IDS: variants seen among roughly 807,000 people sequenced by gnomAD.
IDS encodes the protein iduronate 2-sulfatase, also known as alpha-L-iduronate sulfate sulfatase.
Under a neutral mutation model 33.5 loss-of-function variants are expected in IDS, and 1 was observed. That is an observed-to-expected ratio of 0.03 (90% CI 0.01 to 0.14). The LOEUF (loss-of-function observed/expected upper bound fraction) is 0.14, where lower values mean the gene tolerates loss of function less well. Ranked by LOEUF, IDS falls within the 10% of genes least tolerant of loss-of-function variation. The pLI, the probability that IDS is intolerant of heterozygous loss-of-function variation, is 1.00. For missense variants in IDS, 328 were observed against 448.0 expected (o/e 0.73, Z 2.42); for synonymous variants, 191 against 184.4 (o/e 1.04, Z -0.29).
intron 3 of IDS, among the ~76,000 whole-genome samples, chrX:149,501,677 C>G (rs925658058): frequency 9.0e-6 from 1 of 111,077 alleles, no homozygotes; most frequent in Admixed American, 9.6e-5. Flanking sequence ...CTTCTAGGAG[C>G]CAGTGAGGCC....
At chrX:149,485,436 C>CTG (rs781806637) in intron 8 of IDS, among the ~76,000 whole-genome samples, 104 of 112,189 alleles carry the variant, frequency 9.3e-4, no homozygotes, top group African/African-American at 3.2e-3. Flanking sequence ...TTCTCATAGA[C>CTG]TGAATATTGC....
rs782481349 is a variant in IDS, at chrX:149,477,139, A to C, written c.*5607T>G. On this transcript the variant is annotated 3_prime_UTR_variant, in exon 9 of 9. Transcript: ENST00000340855. Reference sequence around the variant, plus strand: ...AAAATCACCTGCAAAAGGTTCTTTCAGAAACACACCCAAAACTACAATAAA... The same window carrying C: ...AAAATCACCTGCAAAAGGTTCTTTCCGAAACACACCCAAAACTACAATAAA... 1 of 112,693 alleles carries C rather than the reference A, an allele frequency of 8.9e-6. No individual in the cohort carries two copies. The highest frequency in any genetic ancestry group is 9.4e-5 in the Admixed American group (1 of 10,694). The allele number at this position is 112,693 out of a possible 1,213,427, so 9.3% of individuals were successfully genotyped here.
At position 149,482,522 on chromosome X, in the gene IDS, A is replaced by T. The variant is rs782573761; in HGVS notation, c.*224T>A. On this transcript the variant is annotated 3_prime_UTR_variant, in exon 9 of 9. Transcript: ENST00000340855. ...TAACTGTTTTAAAAAGAGGGAAATT[A>T]AAAAAAAAACTGGTCCAATTACCAA... is the stretch of plus-strand genomic sequence containing the variant. The T allele has an allele frequency of 2.0e-3, 358 of 177,629 alleles. 2 individuals carry two copies. Among genetic ancestry groups the T allele is most frequent in the Non-Finnish European group, 2.7e-3 (238 of 87,891 alleles). 14.6% of individuals were successfully genotyped at this position (177,629 alleles called of 1,213,427 possible). A position where few individuals can be genotyped will look rare whatever the true frequency, so the allele number is the denominator to read the frequency against.
At chrX:149,495,977 G>A (rs782002798) in intron 6 of IDS, among the ~76,000 whole-genome samples, 18 of 112,254 alleles carry the variant, frequency 1.6e-4, no homozygotes, top group Admixed American at 1.5e-3. Context: ...AAGCATTCTG[G>A]GCTGCTCGGG....
Position 149,505,078 on chromosome X carries a change from G to C in IDS, c.60C>G (p.Val20=). The change falls in exon 1 of 9, where the codon GTC becomes GTG. Residue 20 remains valine (V), a synonymous_variant. Coordinates refer to ENST00000340855, the MANE Select transcript of IDS (RefSeq NM_000202.8). ...GCGTTTCGGATCCGAGGGCGACGCA[G>C]ACGGAGCTCAGAACCAGACCCAGCC... is the stretch of plus-strand genomic sequence containing the variant. ...LLWLGLVLSS[V]CVALGSETQA... The C allele has an allele frequency of 3.3e-6, 4 of 1,209,688 alleles. No individual in the cohort carries two copies. The highest frequency in any genetic ancestry group is 4.5e-6 in the Non-Finnish European group (4 of 893,810).
intron 8 of IDS, among the ~76,000 whole-genome samples, chrX:149,484,501 T>C (rs1238560448): frequency 8.9e-6 from 1 of 112,338 alleles, no homozygotes; most frequent in Non-Finnish European, 1.9e-5. Context: ...TTTGTATTTT[T>C]AGTAGAGATG....
At chrX:149,483,305 C>A (rs2123995301) in intron 8 of IDS, 87 bp from the exon 9 acceptor site, 2 of 679,265 alleles carry the variant, frequency 2.9e-6, no homozygotes, top group Non-Finnish European at 4.6e-6. Flanking sequence ...CCTGTCTGGG[C>A]TCCATATGTT....
intron 6 of IDS, 128 bp downstream of exon 6, chrX:149,496,218 G>T: frequency 3.0e-6 from 2 of 670,444 alleles, no homozygotes; most frequent in Non-Finnish European, 4.8e-6. Context: ...CACTTTGCCT[G>T]ATAACTCACA....
intron 8 of IDS, among the ~76,000 whole-genome samples, chrX:149,483,771 A>G (rs1374771999): frequency 8.9e-6 from 1 of 112,048 alleles, no homozygotes; most frequent in Non-Finnish European, 1.9e-5. Flanking sequence ...CTTAATTTAC[A>G]CAACTGAAAC....
intron 6 of IDS, among the ~76,000 whole-genome samples, chrX:149,493,851 C>T (rs1557339009): frequency 9.0e-6 from 1 of 111,512 alleles, no homozygotes; most frequent in African/African-American, 3.3e-5. Flanking sequence ...AGGGGCACAG[C>T]CAGGATGCGT....
At position 149,479,998 on chromosome X, in the gene IDS, G is replaced by C; in HGVS notation, c.*2748C>G. The stretch of plus-strand genomic sequence containing the variant: ...CCTTCGGGAGGGGGGGAGCTTGGTA[G>C]TGAAAAATGGTCATGAATGAATGGG... On this transcript the variant is annotated 3_prime_UTR_variant, in exon 9 of 9. Coordinates refer to ENST00000340855, the MANE Select transcript of IDS (RefSeq NM_000202.8). 1 of 275,440 alleles carries C rather than the reference G, an allele frequency of 3.6e-6. No individual in the cohort carries two copies. Among genetic ancestry groups the C allele is most frequent in the Non-Finnish European group, 6.4e-6 (1 of 155,983 alleles). 22.7% of individuals were successfully genotyped at this position (275,440 alleles called of 1,213,427 possible).
At chrX:149,485,664 T>G (rs1342437080) in intron 8 of IDS, among the ~76,000 whole-genome samples, 1 of 111,922 alleles carries the variant, frequency 8.9e-6, no homozygotes, top group Non-Finnish European at 1.9e-5. Context: ...AGATAAAATT[T>G]GGAAATAAAC....
At chrX:149,502,279 C>T (rs917192314) in intron 3 of IDS, 1 of 261,642 alleles carries the variant, frequency 3.8e-6, no homozygotes, top group Non-Finnish European at 7.5e-6. Context: ...TCACTCAGTC[C>T]TTGCCTGGTT....
rs2089287646 is a variant in IDS at position 149,480,052 on chromosome X, G to A, written c.*2694C>T. The A allele has an allele frequency of 3.5e-6, 1 of 289,218 alleles. No individual in the cohort carries two copies. The allele number at this position is 289,218 out of a possible 1,213,427, so 23.8% of individuals were successfully genotyped here. ...AGAGAGGGATGGGACAACCTAGTAG[G>A]AGGGAGGTAGGGATAGGCAAGGGAA... On this transcript the variant is annotated 3_prime_UTR_variant, in exon 9 of 9. Coordinates refer to ENST00000340855, the MANE Select transcript of IDS (RefSeq NM_000202.8).
chrX:149,493,339 C>A (rs1260108950), intron 6 of IDS, among the ~76,000 whole-genome samples: 2 of 112,306 alleles, frequency 1.8e-5, no homozygotes, highest in Non-Finnish European at 1.9e-5. Flanking sequence ...AGGACCTACA[C>A]AGATAGATTT....
chrX:149,482,921 C>T lies in IDS; in HGVS notation c.1478G>A (p.Arg493His), dbSNP rs782347729. 10 of 1,211,171 alleles carry T rather than the reference C, an allele frequency of 8.3e-6. No homozygotes were observed. Among genetic ancestry groups the T allele is most frequent in the East Asian group, 5.9e-5 (2 of 33,866 alleles). Residue 493 changes from arginine to histidine, a missense_variant, in exon 9 of 9, where the codon CGC becomes CAC. Physicochemically the swap from Arg to His is conservative, Grantham distance 29 (BLOSUM62 0). Around this residue, in one of 4 missense-constraint regions of IDS, gnomAD observed 265 missense variants for 339.2 expected, o/e 0.78. Coordinates refer to ENST00000340855, the MANE Select transcript of IDS (RefSeq NM_000202.8). ...KDIKIMGYSI[R>H]TIDYRYTVWV... ...CACAGTATACCTATAGTCTATGGTG[C>T]GTATGGAATAGCCCATGATCTTTAT...
At chrX:149,497,185 A>C (rs2124043582) in intron 5 of IDS, among the ~76,000 whole-genome samples, 1 of 111,942 alleles carries the variant, frequency 8.9e-6, no homozygotes, top group Admixed American at 9.4e-5. Flanking sequence ...AGAAAAAAAA[A>C]AACAAACCCA....
chrX:149,485,699 T>C (rs1399267213), intron 8 of IDS, among the ~76,000 whole-genome samples: 3 of 112,013 alleles, frequency 2.7e-5, no homozygotes, highest in African/African-American at 9.8e-5. Context: ...GTTACATCAA[T>C]TTCTAAATTG....
chrX:149,502,628 G>A (rs1446659012), intron 3 of IDS: 2 of 124,615 alleles, frequency 1.6e-5, no homozygotes, highest in Non-Finnish European at 3.3e-5. Context: ...TTGTCCCTAT[G>A]GTGCTCTTGT....
Sources: gnomAD v4.1 joint callset for allele counts (sites outside exome capture counted in the v4.1 genomes callset) on GRCh38, gnomAD v4.1.1 for gene constraint, gnomAD v4.1.1 regional missense constraint, MANE v1.5 for transcripts, NCBI Gene and HGNC (gene_info 2026-07-23, HGNC 2026-07-21) for gene names.